Variants in PPME1 observed in about 807,000 individuals in gnomAD.
PPME1 encodes protein phosphatase methylesterase 1, also known as testicular secretory protein Li 39.
Under a neutral mutation model 56.9 loss-of-function variants are expected in PPME1, and 17 were observed. The ratio of observed to expected loss-of-function variants is 0.30; its 90% CI spans 0.20 to 0.45. The LOEUF is 0.45. Ranked by LOEUF, PPME1 falls within the 20% of genes least tolerant of loss-of-function variation. The pLI, the probability that PPME1 is intolerant of heterozygous loss-of-function variation, is 1.00. For missense variants in PPME1, 357 were observed against 483.2 expected, an observed-to-expected ratio of 0.74 and a Z score of 2.45; for synonymous variants, 122 against 156.2, an observed-to-expected ratio of 0.78 and a Z score of 1.63.
intron 1 of PPME1, among the ~76,000 whole-genome samples, chr11:74,185,984 G>A (rs1270910489): frequency 2.0e-5 from 3 of 152,194 alleles, no homozygotes; most frequent in Non-Finnish European, 4.4e-5. Flanking sequence ...ATATTGGGCT[G>A]TACGTGTCCT....
At chr11:74,189,346 G>C (rs1199794573) in intron 1 of PPME1, among the ~76,000 whole-genome samples, 1 of 152,160 alleles carries the variant, frequency 6.6e-6, no homozygotes, top group Non-Finnish European at 1.5e-5. Context: ...CTGATGTGCA[G>C]TGGCGTGATC....
chr11:74,204,229 T>C, intron 2 of PPME1, 124 bp from the exon 3 acceptor site: 1 of 685,970 alleles, frequency 1.5e-6, no homozygotes, highest in Non-Finnish European at 2.5e-6. Context: ...AAAAGTCTGC[T>C]TACATCTCTT....
At chr11:74,248,778 A>G (rs1488911153) in intron 11 of PPME1, 8 of 152,244 alleles carry the variant, frequency 5.3e-5, no homozygotes, top group Admixed American at 3.9e-4. Context: ...AGACCTATGC[A>G]TGATGCTGGG....
At chr11:74,191,028 C>G (rs1228145811) in intron 1 of PPME1, among the ~76,000 whole-genome samples, 2 of 152,218 alleles carry the variant, frequency 1.3e-5, no homozygotes, top group Non-Finnish European at 2.9e-5. Context: ...CTGCTTCTCA[C>G]AGCCTGGTAT....
rs145783246 is a variant in PPME1, at chr11:74,244,435, C to G, written c.835-1641C>G. Among the ~76,000 whole-genome samples, 341 of 152,242 alleles carry G rather than the reference C, an allele frequency of 2.2e-3. 1 individual carries two copies. Among genetic ancestry groups the G allele is most frequent in the African/African-American group, 7.6e-3 (314 of 41,548 alleles). The stretch of plus-strand genomic sequence containing the variant: ...CACATCCTCACCAACACTTATTTTT[C>G]TCTTTTTTGATAGTAGTCATCCTAA... On this transcript the variant is annotated intron_variant, in intron 9 of 13. Coordinates refer to ENST00000328257, the MANE Select transcript of PPME1 (RefSeq NM_016147.3).
intron 9 of PPME1, among the ~76,000 whole-genome samples, chr11:74,240,468 G>A (rs1238796555): frequency 3.3e-5 from 5 of 152,182 alleles, no homozygotes; most frequent in Admixed American, 3.3e-4. Context: ...CTCATGAACA[G>A]CAGACTAGGG....
At chr11:74,195,386 G>A (rs1025134405) in intron 1 of PPME1, among the ~76,000 whole-genome samples, 1 of 152,046 alleles carries the variant, frequency 6.6e-6, no homozygotes, top group Non-Finnish European at 1.5e-5. Flanking sequence ...AATTATACAG[G>A]ATTCAGTCTT....
intron 8 of PPME1, 123 bp from the exon 9 acceptor site, chr11:74,239,010 T>C: frequency 1.0e-6 from 1 of 961,572 alleles, no homozygotes; most frequent in Non-Finnish European, 1.5e-6. Flanking sequence ...TCTATCCTCC[T>C]ACCAGGATGA....
At chr11:74,173,378 C>G (rs887982216) in intron 1 of PPME1, among the ~76,000 whole-genome samples, 4 of 151,886 alleles carry the variant, frequency 2.6e-5, no homozygotes, top group African/African-American at 7.3e-5. Context: ...ATTATACATT[C>G]CTTAGATAAG....
chr11:74,210,534 A>T (rs1186508920), intron 3 of PPME1, among the ~76,000 whole-genome samples: 1 of 152,158 alleles, frequency 6.6e-6, no homozygotes, highest in East Asian at 1.9e-4. Flanking sequence ...ATGGGAGTGG[A>T]TCCTTCATGA....
At chr11:74,186,408 A>T (rs1315814385) in intron 1 of PPME1, among the ~76,000 whole-genome samples, 3 of 151,480 alleles carry the variant, frequency 2.0e-5, no homozygotes, top group Admixed American at 1.3e-4. Flanking sequence ...AGAATGGGGA[A>T]CTTAATATTA....
chr11:74,176,328 G>T (rs1247109536), intron 1 of PPME1, among the ~76,000 whole-genome samples: 3 of 152,110 alleles, frequency 2.0e-5, no homozygotes, highest in Non-Finnish European at 4.4e-5. Context: ...TCTTAGGAAG[G>T]CTTTAATGAG....
At chr11:74,200,096 G>T (rs993745779) in intron 1 of PPME1, among the ~76,000 whole-genome samples, 1 of 151,048 alleles carries the variant, frequency 6.6e-6, no homozygotes, top group Non-Finnish European at 1.5e-5. Flanking sequence ...GACCCCTTGA[G>T]GGGGGGAAGT....
At chr11:74,238,161 T>C (rs1202964615) in intron 8 of PPME1, 2 of 151,368 alleles carry the variant, frequency 1.3e-5, no homozygotes, top group Non-Finnish European at 2.9e-5. Flanking sequence ...TATGTTTCTT[T>C]GTTACACTGT....
intron 1 of PPME1, among the ~76,000 whole-genome samples, chr11:74,178,751 C>G (rs1857458782): frequency 6.6e-6 from 1 of 152,032 alleles, no homozygotes; most frequent in Admixed American, 6.6e-5. Context: ...TTGCTTATTG[C>G]CAGCAAATCT....
chr11:74,247,147 C>T (rs188013338), intron 11 of PPME1, 24 bp downstream of exon 11: 120 of 1,593,258 alleles, frequency 7.5e-5, no homozygotes, highest in Admixed American at 2.5e-4. Flanking sequence ...AAATTATACC[C>T]CTGGACCCTT....
chr11:74,209,714 A>G (rs770627116), intron 3 of PPME1, among the ~76,000 whole-genome samples: 12 of 152,198 alleles, frequency 7.9e-5, no homozygotes, highest in Non-Finnish European at 1.6e-4. Flanking sequence ...ACTCAATTCT[A>G]AATATTTGAC....
In PPME1 at chr11:74,198,076, A is replaced by G. The variant is rs976234950; in HGVS notation, c.102-5652A>G. On this transcript the variant is annotated intron_variant, in intron 1 of 13. Coordinates refer to ENST00000328257, the MANE Select transcript of PPME1 (RefSeq NM_016147.3). ...TAGGTTTGAAATAAATTGTATTCTA[A>G]CGTAAAAAAATTATACAGTTACCTA... Among the ~76,000 whole-genome samples the G allele has an allele frequency of 6.6e-5, 10 of 152,222 alleles. No individual in the cohort carries two copies. The East Asian group carries it at 9.6e-4, about 15-fold the overall frequency.
intron 8 of PPME1, chr11:74,238,928 G>A (rs1859270431): frequency 5.9e-6 from 3 of 506,158 alleles, no homozygotes; most frequent in Non-Finnish European, 1.0e-5. Flanking sequence ...ATTGGTGCAA[G>A]AACTGGAAAC....
Sources: allele counts gnomAD v4.1 joint callset (sites outside exome capture counted in the v4.1 genomes callset), GRCh38; gene constraint gnomAD v4.1.1; transcripts MANE v1.5; gene names NCBI Gene and HGNC (gene_info 2026-07-23, HGNC 2026-07-21).